Variants in CTNNA2 observed in about 807,000 individuals in gnomAD.
The protein encoded by CTNNA2 is catenin alpha 2.
A neutral mutation model predicts 101.0 loss-of-function variants in CTNNA2; 42 were observed. That is an observed-to-expected ratio of 0.42 (90% confidence interval 0.32 to 0.54). CTNNA2 has a LOEUF of 0.54. CTNNA2 is among the 20% of genes least tolerant of loss of function. The probability of loss-of-function intolerance (pLI) is 0.14; values close to 1 mark genes in which losing one functional copy is unlikely to be tolerated. For synonymous variants in CTNNA2, 450 were observed against 456.4 expected, an observed-to-expected ratio of 0.99 and a Z score of 0.18; for missense variants, 871 against 1,223.1, an observed-to-expected ratio of 0.71 and a Z score of 4.29.
intron 11 of CTNNA2, among the ~76,000 whole-genome samples, chr2:80,550,004 C>A (rs1334575674): frequency 1.3e-5 from 2 of 152,142 alleles, no homozygotes; most frequent in Non-Finnish European, 2.9e-5. Context: ...CAAGTATGGT[C>A]TTCTGACCAA....
At chr2:80,224,002 G>A (rs1314099024) in intron 7 of CTNNA2, among the ~76,000 whole-genome samples, 2 of 152,152 alleles carry the variant, frequency 1.3e-5, no homozygotes, top group East Asian at 3.9e-4. Context: ...TGTGCCATTG[G>A]CACTCAGTGC....
intron 12 of CTNNA2, among the ~76,000 whole-genome samples, chr2:80,562,889 A>G (rs1693728615): frequency 2.0e-5 from 3 of 152,274 alleles, no homozygotes; most frequent in South Asian, 2.1e-4. Context: ...AGTAAGATAC[A>G]AAATTTTATT....
chr2:80,357,129 A>G (rs1326722654), intron 7 of CTNNA2, among the ~76,000 whole-genome samples: 1 of 152,128 alleles, frequency 6.6e-6, no homozygotes, highest in Non-Finnish European at 1.5e-5. Flanking sequence ...TATGATAGAA[A>G]ACAGTAGTTT....
intron 9 of CTNNA2, among the ~76,000 whole-genome samples, chr2:80,539,081 C>T (rs1025691170): frequency 2.6e-5 from 4 of 152,052 alleles, no homozygotes; most frequent in Admixed American, 6.6e-5. Context: ...TGGAGTGGAG[C>T]GATCTCGGCT....
chr2:79,282,140 CAG>C (rs1675405121), intron 2 of CTNNA2, among the ~76,000 whole-genome samples: 1 of 152,030 alleles, frequency 6.6e-6, no homozygotes, highest in Non-Finnish European at 1.5e-5. Context: ...ATGAGAAAAA[CAG>C]GGTTGAGAAA....
chr2:80,142,207 T>G (rs1043277857), intron 7 of CTNNA2, among the ~76,000 whole-genome samples: 11 of 152,162 alleles, frequency 7.2e-5, no homozygotes, highest in African/African-American at 2.4e-4. Flanking sequence ...CCTTCATGTA[T>G]TTGACTTATG....
intron 4 of CTNNA2, among the ~76,000 whole-genome samples, chr2:79,496,081 G>A (rs1311323032): frequency 6.6e-6 from 1 of 152,104 alleles, no homozygotes; most frequent in Non-Finnish European, 1.5e-5. Context: ...AGTGGTGATA[G>A]TTGCTCAACT....
At chr2:80,318,065 C>T (rs1056559715) in intron 7 of CTNNA2, among the ~76,000 whole-genome samples, 2 of 152,092 alleles carry the variant, frequency 1.3e-5, no homozygotes, top group African/African-American at 4.8e-5. Flanking sequence ...CCTACAAATC[C>T]GTATGTCCAC....
At chr2:80,404,925 A>C (rs1678924977) in intron 8 of CTNNA2, among the ~76,000 whole-genome samples, 1 of 152,234 alleles carries the variant, frequency 6.6e-6, no homozygotes, top group Non-Finnish European at 1.5e-5. Context: ...TAAGCCCCAG[A>C]TAAAAAATTC....
intron 7 of CTNNA2, among the ~76,000 whole-genome samples, chr2:80,052,730 C>CTCA (rs1696957146): frequency 6.6e-6 from 1 of 152,108 alleles, no homozygotes. Context: ...GACCTAACTC[C>CTCA]TCAGGTGGAG....
chr2:80,105,157 T>A (rs1001273706), intron 7 of CTNNA2, among the ~76,000 whole-genome samples: 1 of 152,330 alleles, frequency 6.6e-6, no homozygotes. Flanking sequence ...TGTGGAATTC[T>A]TTTCAGTAAA....
At chr2:80,098,795 C>T (rs899417395) in intron 7 of CTNNA2, among the ~76,000 whole-genome samples, 2 of 152,180 alleles carry the variant, frequency 1.3e-5, no homozygotes, top group African/African-American at 4.8e-5. Flanking sequence ...GGGCATAGGA[C>T]CCTCTGAGCC....
chr2:80,228,211 C>A, intron 7 of CTNNA2, among the ~76,000 whole-genome samples: 1 of 152,096 alleles, frequency 6.6e-6, no homozygotes, highest in East Asian at 1.9e-4. Context: ...TTTGACCAGG[C>A]GATTTATAAA....
intron 2 of CTNNA2, among the ~76,000 whole-genome samples, chr2:79,683,594 A>G (rs1353545152): frequency 6.6e-6 from 1 of 152,230 alleles, no homozygotes; most frequent in East Asian, 1.9e-4. Flanking sequence ...TCATTAGCAC[A>G]TATTAGCCAC....
chr2:79,388,638 C>A (rs1160085014), intron 4 of CTNNA2, among the ~76,000 whole-genome samples: 1 of 152,146 alleles, frequency 6.6e-6, no homozygotes, highest in Non-Finnish European at 1.5e-5. Flanking sequence ...TGCCCTCCTC[C>A]CACTCTACAT....
intron 1 of CTNNA2, among the ~76,000 whole-genome samples, chr2:79,530,159 C>T (rs533311366): frequency 2.0e-5 from 3 of 152,140 alleles, no homozygotes; most frequent in Non-Finnish European, 4.4e-5. Flanking sequence ...TTCCTTCCAG[C>T]TGCATTCTTT....
intron 1 of CTNNA2, among the ~76,000 whole-genome samples, chr2:79,558,444 A>G (rs1674574883): frequency 1.3e-5 from 2 of 151,902 alleles, no homozygotes; most frequent in Non-Finnish European, 1.5e-5. Flanking sequence ...TAAAGCTTTT[A>G]TGACATACAG....
In CTNNA2 at chr2:80,303,967, A is replaced by AC. The variant is rs1024845860; in HGVS notation, c.1057-89238dup. The AC allele has an allele frequency of 2.5e-5, 22 of 891,972 alleles. No individual in the cohort carries two copies. The highest frequency in any genetic ancestry group is 1.2e-4 in the East Asian group (4 of 33,346). The allele number at this position is 891,972 out of a possible 1,614,324, so 55.3% of individuals were successfully genotyped here. A position where few individuals can be genotyped will look rare whatever the true frequency, so the allele number is the denominator to read the frequency against. On this transcript the variant is annotated intron_variant, in intron 7 of 18. Coordinates refer to ENST00000402739, the MANE Select transcript of CTNNA2 (RefSeq NM_001282597.3). This position sits in a 1 kb window ranked among gnomAD's most constrained non-coding sequence, Gnocchi z 7.7. ...AATAAATACATAGAAATAAAGAAGGACCCCCCTCCCCAAAAACCACACGTT... is the reference window on the plus strand; with the variant it reads ...AATAAATACATAGAAATAAAGAAGGACCCCCCCTCCCCAAAAACCACACGTT...
At chr2:79,893,996 CTTCT>C (rs1558619366) in intron 6 of CTNNA2, among the ~76,000 whole-genome samples, 16 of 52,162 alleles carry the variant, frequency 3.1e-4, no homozygotes, top group African/African-American at 7.4e-4. Context: ...CTGTTTTCTT[CTTCT>C]TCTTCTTCTT....
Sources: gnomAD v4.1 joint callset for allele counts (sites outside exome capture counted in the v4.1 genomes callset) on GRCh38, gnomAD v4.1.1 for gene constraint, Gnocchi (gnomAD v3.1) non-coding constraint, MANE v1.5 for transcripts, NCBI Gene and HGNC (gene_info 2026-07-23, HGNC 2026-07-21) for gene names.